IQSEC1: variants seen among roughly 807,000 people sequenced by gnomAD.
IQSEC1 encodes IQ motif and SEC7 domain-containing protein 1.
A neutral mutation model predicts 91.0 loss-of-function variants in IQSEC1; 31 were observed. The observed-to-expected ratio is 0.34, with a 90% CI of 0.26 to 0.46. The LOEUF (loss-of-function observed/expected upper bound fraction) is 0.46. Among genes scored for constraint, IQSEC1 ranks in the 20% least tolerant of loss-of-function variants. The probability of loss-of-function intolerance (pLI) is 1.00; values close to 1 mark genes in which losing one functional copy is unlikely to be tolerated. For missense variants in IQSEC1, 1,388 were observed against 1,575.6 expected (o/e 0.88, Z 2.02); for synonymous variants, 699 against 662.6 (o/e 1.05, Z -0.84).
At chr3:13,030,717 T>C (rs1478987970) in intron 1 of IQSEC1, among the ~76,000 whole-genome samples, 1 of 152,232 alleles carries the variant, frequency 6.6e-6, no homozygotes, top group African/African-American at 2.4e-5. Flanking sequence ...GTGGGTCTTG[T>C]TAGGGCCCTG....
intron 2 of IQSEC1, among the ~76,000 whole-genome samples, chr3:13,111,564 T>C (rs1706244692): frequency 6.6e-6 from 1 of 152,210 alleles, no homozygotes; most frequent in South Asian, 2.1e-4. Flanking sequence ...TGTTAGGGAC[T>C]GAATGTTTGT....
chr3:13,072,901 CT>C, intron 1 of IQSEC1, 90 bp downstream of exon 1: 1 of 1,180,032 alleles, frequency 8.5e-7, no homozygotes, highest in South Asian at 1.3e-5. Context: ...CCACCTGCCC[CT>C]CCCCCAACGA....
At position 13,043,284 on chromosome 3, in the gene IQSEC1, C is replaced by T. The variant is rs189319795; in HGVS notation, c.23+29708G>A. 6.6e-5 allele frequency among the ~76,000 whole-genome samples: 10 copies of T among 152,248 alleles called. No individual in the cohort carries two copies. In the East Asian group the frequency reaches 1.7e-3, roughly 26 times the overall value. ...AGTCACAGACAATAGGAAAGGAGTC[C>T]CTGGCCCACCCTCACCTCTCCCCTT... On this transcript the variant is annotated intron_variant, in intron 1 of 13. Coordinates refer to ENST00000613206, the MANE Select transcript of IQSEC1 (RefSeq NM_001134382.3).
chr3:13,201,710 T>G (rs1694250092), intron 1 of IQSEC1, among the ~76,000 whole-genome samples: 2 of 152,224 alleles, frequency 1.3e-5, no homozygotes, highest in South Asian at 4.1e-4. Flanking sequence ...ACAGCCAGTA[T>G]CCTGGAGAGA....
At position 12,899,241 on chromosome 3, in the gene IQSEC1, C is replaced by T; in HGVS notation, c.*1742G>A. 1.2e-6 allele frequency: 1 copy of T among 845,226 alleles called. No individual in the cohort carries two copies. Among genetic ancestry groups the T allele is most frequent in the Non-Finnish European group, 1.8e-6 (1 of 544,388 alleles). The allele number at this position is 845,226 out of a possible 1,614,324, so 52.4% of individuals were successfully genotyped here. A position where few individuals can be genotyped will look rare whatever the true frequency, so the allele number is the denominator to read the frequency against. ...GGTGACACACAGCCAGAGGGGGCTCCCCTCTCCTCCTGCCGTCCGGCCACG... is the reference window on the plus strand; with the variant it reads ...GGTGACACACAGCCAGAGGGGGCTCTCCTCTCCTCCTGCCGTCCGGCCACG... On this transcript the variant is annotated 3_prime_UTR_variant, in exon 14 of 14. Transcript: ENST00000613206.
intron 1 of IQSEC1, among the ~76,000 whole-genome samples, chr3:12,976,258 G>C (rs1463734005): frequency 6.6e-6 from 1 of 152,238 alleles, no homozygotes; most frequent in African/African-American, 2.4e-5. Context: ...AAGCAGGAGG[G>C]GGGCAGCAGT....
intron 1 of IQSEC1, among the ~76,000 whole-genome samples, chr3:13,213,077 C>T (rs1694476445): frequency 1.3e-5 from 2 of 152,160 alleles, no homozygotes; most frequent in African/African-American, 4.8e-5. Flanking sequence ...TTATCTACTT[C>T]TTTTGTTGCT....
chr3:12,908,593 T>C lies in IQSEC1; in HGVS notation c.2579-68A>G. ...CTAGAGTGGGCAGGAGACGGGGCCT[T>C]CTGCTTGGAGCTAGCACTGTCCTGA... is the stretch of plus-strand genomic sequence containing the variant. On this transcript the variant is annotated intron_variant, in intron 11 of 13. Coordinates refer to ENST00000613206, the MANE Select transcript of IQSEC1 (RefSeq NM_001134382.3). The surrounding 1 kb of genome is among the most constrained non-coding windows in gnomAD (Gnocchi z 4.9). 6.5e-7 allele frequency: 1 copy of C among 1,530,846 alleles called. No homozygotes were observed. The highest frequency in any genetic ancestry group is 9.0e-7 in the Non-Finnish European group (1 of 1,111,330). The allele number at this position is 1,530,846 out of a possible 1,614,324, so 94.8% of individuals were successfully genotyped here.
chr3:13,194,218 G>C (rs1005974471), intron 1 of IQSEC1, among the ~76,000 whole-genome samples: 1 of 152,166 alleles, frequency 6.6e-6, no homozygotes, highest in African/African-American at 2.4e-5. Context: ...ATTTGGGGGT[G>C]TGTAACTCAG....
In IQSEC1 at chr3:12,901,009, G is replaced by T; in HGVS notation, c.3319C>A (p.Pro1107Thr). ...PPPPTSSKAKPSGISTIV is the reference protein window; with the variant it reads ...PPPPTSSKAKTSGISTIV ...TACACAATTGTGCTGATGCCGCTGG[G>T]TTTGGCCTTGCTGCTGGTGGGGGGC... The change falls in exon 14 of 14, where the codon CCC becomes ACC. Residue 1107 changes from proline (P) to threonine (T), a missense_variant. Coordinates refer to ENST00000613206, the MANE Select transcript of IQSEC1 (RefSeq NM_001134382.3). 6.5e-7 allele frequency: 1 copy of T among 1,536,938 alleles called. No individual in the cohort carries two copies. The highest frequency in any genetic ancestry group is 8.8e-7 in the Non-Finnish European group (1 of 1,142,098).
chr3:12,929,753 T>C (rs1175816232), intron 3 of IQSEC1, among the ~76,000 whole-genome samples: 1 of 152,200 alleles, frequency 6.6e-6, no homozygotes, highest in Non-Finnish European at 1.5e-5. Flanking sequence ...AGGTGCTGCC[T>C]GCAACATTCT....
In IQSEC1 at chr3:12,899,530, CAA is replaced by C. The variant is rs1242641105; in HGVS notation, c.*1451_*1452del. 46 of 1,532,888 alleles carry C rather than the reference CAA, an allele frequency of 3.0e-5. No individual in the cohort carries two copies. Among genetic ancestry groups the C allele is most frequent in the South Asian group, 1.4e-4 (12 of 83,778 alleles). 95.0% of individuals were successfully genotyped at this position (1,532,888 alleles called of 1,614,324 possible). On this transcript the variant is annotated 3_prime_UTR_variant, in exon 14 of 14. Coordinates refer to ENST00000613206, the MANE Select transcript of IQSEC1 (RefSeq NM_001134382.3). Reference sequence around the variant, plus strand: ...TGGTGTCACCACAACACAGAAGCGACAAGAGCACAGCTGAGAGTCATGTGATG... The same window carrying C: ...TGGTGTCACCACAACACAGAAGCGACGAGCACAGCTGAGAGTCATGTGATG...
chr3:13,004,978 C>G (rs911174694), intron 1 of IQSEC1, among the ~76,000 whole-genome samples: 10 of 152,292 alleles, frequency 6.6e-5, no homozygotes, highest in African/African-American at 2.4e-4. Context: ...GTATGTGCAG[C>G]CAACACTGCT....
chr3:13,144,658 G>A, intron 2 of IQSEC1, among the ~76,000 whole-genome samples: 1 of 152,178 alleles, frequency 6.6e-6, no homozygotes, highest in Non-Finnish European at 1.5e-5. Flanking sequence ...CTTCCATGCT[G>A]CCCCTGAAAC....
At chr3:13,247,878 C>T (rs537995759) in intron 1 of IQSEC1, among the ~76,000 whole-genome samples, 6 of 152,296 alleles carry the variant, frequency 3.9e-5, no homozygotes, top group Admixed American at 1.3e-4. Flanking sequence ...CCTGCCTCCA[C>T]GGCCTAAGGA....
intron 1 of IQSEC1, among the ~76,000 whole-genome samples, chr3:13,048,648 C>T (rs1028717994): frequency 6.6e-6 from 1 of 152,230 alleles, no homozygotes; most frequent in African/African-American, 2.4e-5. Context: ...AAGAGCCCTG[C>T]TGGACACACC....
chr3:13,021,010 A>C (rs1220944430), intron 1 of IQSEC1, among the ~76,000 whole-genome samples: 1 of 152,216 alleles, frequency 6.6e-6, no homozygotes, highest in Admixed American at 6.5e-5. Context: ...TGAGGGCAGA[A>C]AGAAAGAGGG....
chr3:13,252,189 C>T (rs1177727239), intron 1 of IQSEC1, among the ~76,000 whole-genome samples: 5 of 152,160 alleles, frequency 3.3e-5, no homozygotes, highest in African/African-American at 9.7e-5. Context: ...CCATTAAACA[C>T]GAACTCACCA....
At position 12,935,870 on chromosome 3, in the gene IQSEC1, C is replaced by T. The variant is rs149092904; in HGVS notation, c.1146G>A (p.Ser382=). 492 of 1,606,752 alleles carry T rather than the reference C, an allele frequency of 3.1e-4. No homozygotes were observed. In the African/African-American group the frequency reaches 5.5e-3, roughly 18 times the overall value. ...SDSSVDLSDR[S]ERGSLKRQSA... ...TCTGCCTCTTGAGTGACCCCCGCTC[C>T]GAGCGGTCACTAAGGTCCACAGAGC... Residue 382 remains serine (S), a synonymous_variant, in exon 3 of 14, where the codon TCG becomes TCA. Transcript: ENST00000613206. The surrounding 1 kb of genome is among the most constrained non-coding windows in gnomAD (Gnocchi z 8.0).
Sources: gnomAD v4.1 joint callset for allele counts (sites outside exome capture counted in the v4.1 genomes callset) on GRCh38, gnomAD v4.1.1 for gene constraint, Gnocchi (gnomAD v3.1) non-coding constraint, MANE v1.5 for transcripts, NCBI Gene and HGNC (gene_info 2026-07-23, HGNC 2026-07-21) for gene names.